TADA2A: variants seen among roughly 807,000 people sequenced by gnomAD.
TADA2A encodes the protein transcriptional adapter 2-alpha.
Under a neutral mutation model 67.4 loss-of-function variants are expected in TADA2A, and 38 were observed. That is an observed-to-expected ratio of 0.56 (90% CI 0.44 to 0.74). The LOEUF (loss-of-function observed/expected upper bound fraction) is 0.74, where lower values mean the gene tolerates loss of function less well. TADA2A is among the 30% of genes least tolerant of loss of function. The pLI is 0.00. For synonymous variants in TADA2A, 192 were observed against 181.6 expected, an observed-to-expected ratio of 1.06 and a Z score of -0.46; for missense variants, 454 against 547.0, an observed-to-expected ratio of 0.83 and a Z score of 1.70.
At chr17:37,465,751 TAAAC>T in intron 11 of TADA2A, 2 of 721,250 alleles carry the variant, frequency 2.8e-6, no homozygotes, top group East Asian at 2.8e-5. Flanking sequence ...TTGCCCCAGA[TAAAC>T]AATAATTTAG....
intron 9 of TADA2A, among the ~76,000 whole-genome samples, chr17:37,460,687 A>G (rs965603762): frequency 2.0e-5 from 3 of 152,252 alleles, no homozygotes; most frequent in Admixed American, 6.5e-5. Flanking sequence ...AAAAGTATAC[A>G]TTCAGACTTA....
At chr17:37,457,491 C>CTTTTTTTT (rs71135729) in intron 8 of TADA2A, among the ~76,000 whole-genome samples, 9 of 72,406 alleles carry the variant, frequency 1.2e-4, no homozygotes, top group Non-Finnish European at 1.7e-4. Flanking sequence ...AACATTAATT[C>CTTTTTTTT]TTTTTTTTTT....
At chr17:37,462,403 C>T (rs12600669) in intron 10 of TADA2A, among the ~76,000 whole-genome samples, 19,217 of 151,798 alleles carry the variant, frequency 0.13, 1,420 homozygotes, top group East Asian at 0.25. Flanking sequence ...CTGAGGTGGG[C>T]AGATCACGAG....
At chr17:37,414,200 T>C (rs2051968802) in intron 2 of TADA2A, among the ~76,000 whole-genome samples, 1 of 152,178 alleles carries the variant, frequency 6.6e-6, no homozygotes, top group South Asian at 2.1e-4. Flanking sequence ...TGTTCACTTT[T>C]TTACTTATTT....
intron 1 of TADA2A, among the ~76,000 whole-genome samples, chr17:37,410,695 T>G (rs2051837805): frequency 2.0e-5 from 3 of 152,208 alleles, no homozygotes; most frequent in African/African-American, 4.8e-5. Flanking sequence ...TTGAATGAAT[T>G]CTAGTGAATA....
chr17:37,417,252 C>A (rs938140612), intron 2 of TADA2A, among the ~76,000 whole-genome samples: 1 of 150,620 alleles, frequency 6.6e-6, no homozygotes, highest in East Asian at 2.0e-4. Flanking sequence ...TGTTGGTGGG[C>A]GTAATTCCAG....
chr17:37,411,292 G>A lies in TADA2A; in HGVS notation c.-74G>A. On this transcript the variant is annotated 5_prime_UTR_variant, in exon 2 of 16. The change creates a new upstream start codon in the 5' untranslated region. Coordinates refer to ENST00000615182, the MANE Select transcript of TADA2A (RefSeq NM_001166105.3). ...AGGGAGTCATCAAGCTTTGGTGTAT[G>A]TGTTGGCCGGTTCTGAAGTCTTGAA... The A allele has an allele frequency of 7.0e-7, 1 of 1,433,194 alleles. No homozygotes were observed. Among genetic ancestry groups the A allele is most frequent in the Non-Finnish European group, 9.8e-7 (1 of 1,016,174 alleles). 88.8% of individuals were successfully genotyped at this position (1,433,194 alleles called of 1,614,324 possible).
Position 37,465,547 on chromosome 17 carries a change from TG to T in TADA2A, c.823+8del. ...ATTCATTGAAAGCCATGCATGTAGG[TG>T]GTTTTTGAGCCTTGAGCAGTATTTG... On this transcript the variant is annotated splice_region_variant and intron_variant, in intron 11 of 15. Transcript: ENST00000615182. The T allele has an allele frequency of 6.2e-7, 1 of 1,614,018 alleles. No homozygotes were observed.
chr17:37,439,937 TATTTATTA>T (rs747087132), intron 5 of TADA2A, among the ~76,000 whole-genome samples: 6,336 of 85,098 alleles, frequency 0.074, 160 homozygotes, highest in East Asian at 0.32. Flanking sequence ...TTTATTTATT[TATTTATTA>T]TTTTTTTTTT....
At chr17:37,426,851 T>C in intron 3 of TADA2A, 99 bp from the exon 4 acceptor site, 1 of 1,136,128 alleles carries the variant, frequency 8.8e-7, no homozygotes, top group Non-Finnish European at 1.2e-6. Flanking sequence ...TCTCCAAAAA[T>C]AAAATTTTAA....
In TADA2A at chr17:37,437,180, C is replaced by T. The variant is rs2052754771; in HGVS notation, c.193-558C>T. On this transcript the variant is annotated intron_variant, in intron 4 of 15. Coordinates refer to ENST00000615182, the MANE Select transcript of TADA2A (RefSeq NM_001166105.3). Reference sequence around the variant, plus strand: ...AGCTCACTGCAAGCTCCGCCTCCGCCTCCTGGGTTCATGCCATCCTCTTGC... The same window carrying T: ...AGCTCACTGCAAGCTCCGCCTCCGCTTCCTGGGTTCATGCCATCCTCTTGC... 2.2e-5 allele frequency among the ~76,000 whole-genome samples: 3 copies of T among 133,544 alleles called. No homozygotes were observed. The Admixed American group carries it at 2.3e-4, about 10-fold the overall frequency. 87.6% of individuals were successfully genotyped at this position (133,544 alleles called of 152,430 possible).
At chr17:37,475,176 T>C (rs954475018) in intron 15 of TADA2A, among the ~76,000 whole-genome samples, 6 of 151,956 alleles carry the variant, frequency 3.9e-5, no homozygotes, top group African/African-American at 1.4e-4. Flanking sequence ...TTTTTTTTTA[T>C]TTATTTATTT....
intron 11 of TADA2A, 133 bp from the exon 12 acceptor site, chr17:37,467,321 C>T (rs1383806754): frequency 1.2e-5 from 8 of 660,752 alleles, no homozygotes; most frequent in Middle Eastern, 2.7e-4. Flanking sequence ...AAGTTACCAA[C>T]GAGTAGGATT....
Position 37,470,397 on chromosome 17 carries a change from C to T in TADA2A, c.896-3C>T, listed in dbSNP as rs750810142. The stretch of plus-strand genomic sequence containing the variant: ...GTGGTCATTGTGTTTTCTATACCCC[C>T]AGGTGCCAGAACCTACGATCACCTC... On this transcript the variant is annotated splice_region_variant and splice_polypyrimidine_tract_variant and intron_variant, in intron 12 of 15. Transcript: ENST00000615182. The T allele has an allele frequency of 1.9e-6, 3 of 1,613,604 alleles. No individual in the cohort carries two copies. Among genetic ancestry groups the T allele is most frequent in the Admixed American group, 1.7e-5 (1 of 59,934 alleles).
chr17:37,415,428 A>G (rs963559749), intron 2 of TADA2A, among the ~76,000 whole-genome samples: 5 of 152,140 alleles, frequency 3.3e-5, no homozygotes, highest in African/African-American at 1.2e-4. Flanking sequence ...GTATTTTGCA[A>G]TTACATCTAA....
Position 37,459,998 on chromosome 17 carries a change from G to A in TADA2A, c.668+1411G>A, listed in dbSNP as rs186955839. Among the ~76,000 whole-genome samples the A allele has an allele frequency of 5.6e-3, 854 of 151,560 alleles. 10 individuals carry two copies. The highest frequency in any genetic ancestry group is 0.019 in the African/African-American group (804 of 41,406). On this transcript the variant is annotated intron_variant, in intron 9 of 15. Transcript: ENST00000615182. ...GGAGAATTGCTTGAACCTGGGAGAC[G>A]GAGGTTGCAGTGAGCCAAGATCACA...
intron 4 of TADA2A, among the ~76,000 whole-genome samples, chr17:37,430,726 G>GT (rs2052543980): frequency 6.6e-6 from 1 of 152,166 alleles, no homozygotes; most frequent in South Asian, 2.1e-4. Context: ...TCAACTTTTT[G>GT]TAAAACTGCC....
In TADA2A at chr17:37,437,810, G is replaced by T; in HGVS notation, c.265G>T (p.Asp89Tyr). Residue 89 changes from aspartate to tyrosine, a missense_variant, in exon 5 of 16, where the codon GAC (aspartate) becomes TAC (tyrosine). Around this residue, in one of 2 missense-constraint regions of TADA2A, gnomAD observed 403 missense variants for 455.5 expected, o/e 0.88. Coordinates refer to ENST00000615182, the MANE Select transcript of TADA2A (RefSeq NM_001166105.3). ...EEMALLEAVM[D>Y]CGFGNWQDVA... ...AATGGCCCTTTTAGAAGCTGTGATG[G>T]ACTGTGGCTTTGGAAATTGGTAAGA... 1 of 1,614,182 alleles carries T rather than the reference G, an allele frequency of 6.2e-7. No individual in the cohort carries two copies. The highest frequency in any genetic ancestry group is 8.5e-7 in the Non-Finnish European group (1 of 1,180,026).
chr17:37,415,485 G>C (rs915157126), intron 2 of TADA2A, among the ~76,000 whole-genome samples: 1 of 152,120 alleles, frequency 6.6e-6, no homozygotes, highest in South Asian at 2.1e-4. Flanking sequence ...TATTGGAAAT[G>C]TATATTCATG....
Sources: gnomAD v4.1 joint callset for allele counts (sites outside exome capture counted in the v4.1 genomes callset) on GRCh38, gnomAD v4.1.1 for gene constraint, gnomAD v4.1.1 regional missense constraint, MANE v1.5 for transcripts, NCBI Gene and HGNC (gene_info 2026-07-23, HGNC 2026-07-21) for gene names.